The following PCDH15 variants were observed in gnomAD, a reference collection of about 807,000 sequenced individuals.
The protein encoded by PCDH15 is protocadherin related 15.
A neutral mutation model predicts 178.5 loss-of-function variants in PCDH15; 129 were observed. The ratio of observed to expected loss-of-function variants is 0.72; its 90% CI spans 0.63 to 0.84. The LOEUF is 0.84. Among genes scored for constraint, PCDH15 ranks in the 40% least tolerant of loss-of-function variants. The probability of loss-of-function intolerance (pLI) is 0.00; values close to 1 mark genes in which losing one functional copy is unlikely to be tolerated. For synonymous variants in PCDH15, 800 were observed against 732.0 expected (o/e 1.09, Z -1.50); for missense variants, 2,230 against 2,099.9 (o/e 1.06, Z -1.21).
chr10:53,872,042 A>G (rs1005109258), intron 26 of PCDH15, among the ~76,000 whole-genome samples: 1 of 151,068 alleles, frequency 6.6e-6, no homozygotes, highest in African/African-American at 2.4e-5. Flanking sequence ...ATTTTGCAAA[A>G]CCTCTTCCTC....
intron 8 of PCDH15, among the ~76,000 whole-genome samples, chr10:54,288,837 G>C (rs1056283390): frequency 1.3e-5 from 2 of 152,226 alleles, no homozygotes; most frequent in Non-Finnish European, 2.9e-5. Flanking sequence ...GCTGAGGCTT[G>C]AGTAGGTAAA....
intron 2 of PCDH15, among the ~76,000 whole-genome samples, chr10:55,073,099 C>T (rs1841795038): frequency 6.6e-6 from 1 of 151,992 alleles, no homozygotes; most frequent in Admixed American, 6.6e-5. Flanking sequence ...GGACGTATCT[C>T]AAAATAATAA....
At chr10:54,207,804 A>T (rs1271666625) in intron 10 of PCDH15, among the ~76,000 whole-genome samples, 3 of 151,860 alleles carry the variant, frequency 2.0e-5, no homozygotes, top group Non-Finnish European at 2.9e-5. Context: ...TCATTTACTT[A>T]CTCTGTTACA....
At chr10:54,868,486 G>T (rs547275701) in intron 3 of PCDH15, among the ~76,000 whole-genome samples, 1 of 152,150 alleles carries the variant, frequency 6.6e-6, no homozygotes, top group Admixed American at 6.6e-5. Context: ...CAGATGGCCT[G>T]TGACCTTTTC....
intron 2 of PCDH15, among the ~76,000 whole-genome samples, chr10:55,579,237 A>G (rs1418491354): frequency 6.6e-6 from 1 of 152,222 alleles, no homozygotes; most frequent in African/African-American, 2.4e-5. Context: ...AATTCGAAAT[A>G]CTTTTAGATG....
chr10:55,408,976 C>T (rs1390466950), intron 2 of PCDH15, among the ~76,000 whole-genome samples: 1 of 152,056 alleles, frequency 6.6e-6, no homozygotes, highest in East Asian at 1.9e-4. Flanking sequence ...TGTTTTTATC[C>T]TAATTCACTT....
chr10:54,025,550 G>A (rs2093057549), intron 18 of PCDH15, among the ~76,000 whole-genome samples: 1 of 150,826 alleles, frequency 6.6e-6, no homozygotes, highest in African/African-American at 2.4e-5. Context: ...CCAGGCTGGA[G>A]TGCAGTGGTG....
At chr10:54,457,032 G>C (rs1457292931) in intron 3 of PCDH15, among the ~76,000 whole-genome samples, 2 of 152,044 alleles carry the variant, frequency 1.3e-5, no homozygotes, top group Non-Finnish European at 2.9e-5. Context: ...TCTTCATAGT[G>C]GTGTGAGAAT....
At position 54,723,398 on chromosome 10, in the gene PCDH15, C is replaced by T. The variant is rs186055467; in HGVS notation, c.-28-59108G>A. 9.2e-5 allele frequency among the ~76,000 whole-genome samples: 14 copies of T among 151,800 alleles called. No individual in the cohort carries two copies. In the East Asian group the frequency reaches 2.3e-3, roughly 25 times the overall value. ...CTCTCACTGTGTACAAAAATCAAGT[C>T]AAAGTGGATTAAAGACTTAAACATA... On this transcript the variant is annotated intron_variant, in intron 1 of 37. Transcript: ENST00000644397.
chr10:54,383,629 T>TTGTGTG (rs71461236), intron 3 of PCDH15, among the ~76,000 whole-genome samples: 88 of 117,580 alleles, frequency 7.5e-4, no homozygotes, highest in African/African-American at 2.6e-3. Flanking sequence ...ATGTGTGTTT[T>TTGTGTG]TGTGTGTGTG....
intron 5 of PCDH15, among the ~76,000 whole-genome samples, chr10:54,346,749 T>A (rs1943357875): frequency 6.6e-6 from 1 of 152,226 alleles, no homozygotes; most frequent in Non-Finnish European, 1.5e-5. Flanking sequence ...TGGACCAATT[T>A]ATAGCCATTA....
At chr10:55,375,891 T>C (rs1223274389) in intron 2 of PCDH15, among the ~76,000 whole-genome samples, 1 of 152,008 alleles carries the variant, frequency 6.6e-6, no homozygotes, top group Non-Finnish European at 1.5e-5. Context: ...TTACCACCAA[T>C]CTATATATCA....
intron 2 of PCDH15, among the ~76,000 whole-genome samples, chr10:55,598,427 G>A (rs1842979805): frequency 6.7e-6 from 1 of 149,302 alleles, no homozygotes; most frequent in African/African-American, 2.5e-5. Context: ...GCCTTCTAGA[G>A]GAGCCGGTTC....
At chr10:54,825,147 G>C (rs1953105497) in intron 3 of PCDH15, among the ~76,000 whole-genome samples, 1 of 151,934 alleles carries the variant, frequency 6.6e-6, no homozygotes, top group Admixed American at 6.6e-5. Context: ...CCTTGCGATA[G>C]TTTGCTGAGA....
At chr10:54,444,220 T>C (rs1256305112) in intron 3 of PCDH15, among the ~76,000 whole-genome samples, 1 of 151,658 alleles carries the variant, frequency 6.6e-6, no homozygotes, top group Non-Finnish European at 1.5e-5. Context: ...ATAGAGAGTA[T>C]AAACAAAGAG....
intron 2 of PCDH15, among the ~76,000 whole-genome samples, chr10:55,144,813 T>C (rs1312657274): frequency 6.8e-6 from 1 of 147,278 alleles, no homozygotes; most frequent in Admixed American, 6.8e-5. Context: ...GCATATTAAA[T>C]ATACTTTTTA....
intron 20 of PCDH15, among the ~76,000 whole-genome samples, chr10:54,018,665 T>C (rs2092817549): frequency 6.6e-6 from 1 of 152,110 alleles, no homozygotes; most frequent in South Asian, 2.1e-4. Flanking sequence ...TTAGCGACTA[T>C]ATGAAGCATG....
intron 2 of PCDH15, among the ~76,000 whole-genome samples, chr10:54,557,679 T>G (rs2087482838): frequency 6.6e-6 from 1 of 152,136 alleles, no homozygotes. Flanking sequence ...GAAATAATAT[T>G]GGCCTGTCAG....
At chr10:54,141,588 T>A (rs2043418146) in intron 14 of PCDH15, among the ~76,000 whole-genome samples, 1 of 152,198 alleles carries the variant, frequency 6.6e-6, no homozygotes. Flanking sequence ...GCTGTTTTTT[T>A]AAGAAAAATT....
Sources: gnomAD v4.1 joint callset for allele counts (sites outside exome capture counted in the v4.1 genomes callset) on GRCh38, gnomAD v4.1.1 for gene constraint, MANE v1.5 for transcripts, NCBI Gene and HGNC (gene_info 2026-07-23, HGNC 2026-07-21) for gene names.